STAG1: variants seen among roughly 807,000 people sequenced by gnomAD.
STAG1 encodes STAG1 cohesin complex component.
In STAG1, 26 loss-of-function variants were observed where a neutral mutation model predicts 170.9. The ratio of observed to expected loss-of-function variants is 0.15; its 90% CI spans 0.11 to 0.21. The LOEUF (loss-of-function observed/expected upper bound fraction) is 0.21, where lower values mean the gene tolerates loss of function less well. Among genes scored for constraint, STAG1 ranks in the 10% least tolerant of loss-of-function variants. The probability of loss-of-function intolerance (pLI) is 1.00; values close to 1 mark genes in which losing one functional copy is unlikely to be tolerated. For synonymous variants in STAG1, 514 were observed against 497.7 expected (o/e 1.03, Z -0.44); for missense variants, 964 against 1,509.5 (o/e 0.64, Z 5.99).
chr3:136,750,977 G>GA (rs1467983646), intron 1 of STAG1, among the ~76,000 whole-genome samples: 1 of 152,164 alleles, frequency 6.6e-6, no homozygotes, highest in Non-Finnish European at 1.5e-5. Context: ...AAAACACGAG[G>GA]AAAACTAAAA....
At chr3:136,631,584 T>C (rs1464628490) in intron 1 of STAG1, among the ~76,000 whole-genome samples, 1 of 152,194 alleles carries the variant, frequency 6.6e-6, no homozygotes, top group Admixed American at 6.5e-5. Flanking sequence ...TCAATATAGG[T>C]TGATCAGCTG....
chr3:136,371,262 G>C lies in STAG1; in HGVS notation c.2371-1980C>G, dbSNP rs185590811. ...TGTAGATTCTGGATATTAGCCCTTT[G>C]TCAGATAAGTAGGTTGCAAAAATTT... is the stretch of plus-strand genomic sequence containing the variant. On this transcript the variant is annotated intron_variant, in intron 23 of 33. Transcript: ENST00000383202. Among the ~76,000 whole-genome samples the C allele has an allele frequency of 4.3e-3, 660 of 152,278 alleles. 5 individuals carry two copies. The highest frequency in any genetic ancestry group is 0.015 in the African/African-American group (627 of 41,546).
intron 1 of STAG1, among the ~76,000 whole-genome samples, chr3:136,640,377 T>TC (rs1316829639): frequency 1.3e-4 from 19 of 151,652 alleles, no homozygotes; most frequent in African/African-American, 4.6e-4. Context: ...ACTTTTTTTT[T>TC]TTTTTTTTTG....
intron 1 of STAG1, among the ~76,000 whole-genome samples, chr3:136,646,266 GGCATGA>G (rs1241953262): frequency 2.1e-4 from 32 of 152,136 alleles, no homozygotes; most frequent in Admixed American, 1.2e-3. Context: ...TGGGATTACA[GGCATGA>G]GCCACCATGC....
rs533316192 is a variant in STAG1 at position 136,605,607 on chromosome 3, CT to C, written c.133-1135del. Among the ~76,000 whole-genome samples the C allele has an allele frequency of 2.7e-3, 406 of 152,264 alleles. 2 individuals are homozygous for C. Among genetic ancestry groups the C allele is most frequent in the African/African-American group, 9.5e-3 (394 of 41,552 alleles). Reference sequence around the variant, plus strand: ...TTACCTAGAGGTCTCCCCTAAGTATCTTTTCTTCTCAGTCCTTATGCTCTCT... The same window carrying C: ...TTACCTAGAGGTCTCCCCTAAGTATCTTTCTTCTCAGTCCTTATGCTCTCT... On this transcript the variant is annotated intron_variant, in intron 3 of 33. Coordinates refer to ENST00000383202, the MANE Select transcript of STAG1 (RefSeq NM_005862.3).
At chr3:136,467,211 G>A (rs535257545) in intron 12 of STAG1, among the ~76,000 whole-genome samples, 3 of 152,084 alleles carry the variant, frequency 2.0e-5, no homozygotes, top group Non-Finnish European at 4.4e-5. Context: ...GACACAGACT[G>A]GCAAATTGGA....
chr3:136,501,148 C>G (rs1479798865), intron 8 of STAG1, among the ~76,000 whole-genome samples: 1 of 152,112 alleles, frequency 6.6e-6, no homozygotes, highest in East Asian at 1.9e-4. Flanking sequence ...CAACTTCCTC[C>G]AAGTGTTAAA....
At chr3:136,519,587 G>A (rs940823870) in intron 7 of STAG1, among the ~76,000 whole-genome samples, 4 of 151,404 alleles carry the variant, frequency 2.6e-5, no homozygotes, top group Admixed American at 2.0e-4. Flanking sequence ...TCAAGTAAAT[G>A]GGCATTACTG....
At chr3:136,538,533 G>A (rs773753526) in intron 6 of STAG1, among the ~76,000 whole-genome samples, 2 of 151,284 alleles carry the variant, frequency 1.3e-5, no homozygotes, top group African/African-American at 2.4e-5. Context: ...ATTCTCCTGC[G>A]TCAGCCACTC....
At chr3:136,469,816 T>C (rs1217218552) in intron 12 of STAG1, among the ~76,000 whole-genome samples, 2 of 151,928 alleles carry the variant, frequency 1.3e-5, no homozygotes, top group African/African-American at 4.8e-5. Flanking sequence ...AACAGAGCCC[T>C]CACAAATAAT....
intron 7 of STAG1, among the ~76,000 whole-genome samples, chr3:136,519,242 A>C (rs1048598004): frequency 2.0e-5 from 3 of 152,158 alleles, no homozygotes; most frequent in Admixed American, 1.3e-4. Context: ...TAAATGGCAT[A>C]CAATTAACCT....
chr3:136,547,649 G>C (rs1936212129), intron 5 of STAG1, among the ~76,000 whole-genome samples: 1 of 152,078 alleles, frequency 6.6e-6, no homozygotes, highest in African/African-American at 2.4e-5. Context: ...ATTCATCCAT[G>C]GTTGTCACAT....
intron 21 of STAG1, among the ~76,000 whole-genome samples, chr3:136,403,482 A>G (rs951546227): frequency 4.6e-5 from 7 of 152,044 alleles, no homozygotes; most frequent in Admixed American, 3.9e-4. Flanking sequence ...AAGATGTTCA[A>G]TGGTCCTGAG....
intron 21 of STAG1, 57 bp downstream of exon 21, chr3:136,417,828 G>T: frequency 7.7e-7 from 1 of 1,296,420 alleles, no homozygotes; most frequent in South Asian, 1.2e-5. Flanking sequence ...ATAATCATAT[G>T]ACTTCAGAAA....
At chr3:136,704,570 G>C (rs377442797) in intron 1 of STAG1, among the ~76,000 whole-genome samples, 1 of 151,978 alleles carries the variant, frequency 6.6e-6, no homozygotes, top group Non-Finnish European at 1.5e-5. Context: ...GCTCATGCCT[G>C]TAATCCCAGC....
chr3:136,609,302 TAGACA>T (rs1327527813), intron 3 of STAG1: 1 of 151,744 alleles, frequency 6.6e-6, no homozygotes, highest in Non-Finnish European at 1.5e-5. Context: ...AAACCCTGTC[TAGACA>T]AAAAATTACA....
chr3:136,491,749 T>C lies in STAG1; in HGVS notation c.902+8474A>G, dbSNP rs745788297. On this transcript the variant is annotated intron_variant, in intron 9 of 33. Coordinates refer to ENST00000383202, the MANE Select transcript of STAG1 (RefSeq NM_005862.3). ...GGCTCACACTTGTAATCCCAGCACG[T>C]TGGGAGCCCGAGGCAGGAAGATCAC... Among the ~76,000 whole-genome samples, 39 of 152,190 alleles carry C rather than the reference T, an allele frequency of 2.6e-4. 1 individual carries two copies. Among genetic ancestry groups the C allele is most frequent in the Admixed American group, 1.4e-3 (22 of 15,270 alleles).
intron 32 of STAG1, 130 bp from the exon 33 acceptor site, chr3:136,338,580 A>C (rs1308810694): frequency 7.5e-6 from 5 of 663,074 alleles, no homozygotes; most frequent in Non-Finnish European, 1.0e-5. Flanking sequence ...GAAAGGAAGA[A>C]GAGAATCTGG....
chr3:136,357,951 A>G (rs1473762940), intron 27 of STAG1, 103 bp from the exon 28 acceptor site: 4 of 951,474 alleles, frequency 4.2e-6, no homozygotes, highest in Non-Finnish European at 6.3e-6. Flanking sequence ...TTATCACAAA[A>G]GGTAGTAAAA....
Sources: gnomAD v4.1 joint callset for allele counts (sites outside exome capture counted in the v4.1 genomes callset) on GRCh38, gnomAD v4.1.1 for gene constraint, MANE v1.5 for transcripts, NCBI Gene and HGNC (gene_info 2026-07-23, HGNC 2026-07-21) for gene names.